The following CORO1C variants were observed in gnomAD, a reference collection of about 807,000 sequenced individuals.
The protein encoded by CORO1C is coronin-1C.
In CORO1C, 14 loss-of-function variants were observed where a neutral mutation model predicts 51.2. The observed-to-expected ratio is 0.27, with a 90% CI of 0.18 to 0.43. The LOEUF is 0.43. Ranked by LOEUF, CORO1C falls within the 20% of genes least tolerant of loss-of-function variation. CORO1C has a pLI of 1.00. For missense variants in CORO1C, 417 were observed against 607.8 expected, an observed-to-expected ratio of 0.69 and a Z score of 3.30; for synonymous variants, 181 against 210.5, an observed-to-expected ratio of 0.86 and a Z score of 1.21.
chr12:108,715,632 T>TCCCC (rs1418746448), intron 1 of CORO1C, among the ~76,000 whole-genome samples: 1 of 48,976 alleles, frequency 2.0e-5, no homozygotes, highest in African/African-American at 8.8e-5. Context: ...ACCCGCCTCC[T>TCCCC]CCCTCCCCCC....
Position 108,652,489 on chromosome 12 carries a change from C to G in CORO1C, c.856-72G>C, listed in dbSNP as rs148022617. 4 of 1,258,038 alleles carry G rather than the reference C, an allele frequency of 3.2e-6. No homozygotes were observed. In the East Asian group the frequency reaches 9.4e-5, roughly 29 times the overall value. 77.9% of individuals were successfully genotyped at this position (1,258,038 alleles called of 1,614,324 possible). A position where few individuals can be genotyped will look rare whatever the true frequency, so the allele number is the denominator to read the frequency against. On this transcript the variant is annotated intron_variant, in intron 7 of 10. Coordinates refer to ENST00000261401, the MANE Select transcript of CORO1C (RefSeq NM_014325.4). ...ATCTGGATTATGGGGGTGTCTCTCTCCTCTACAAACCCAGCAGTAGTTGGG... is the reference window on the plus strand; with the variant it reads ...ATCTGGATTATGGGGGTGTCTCTCTGCTCTACAAACCCAGCAGTAGTTGGG...
At chr12:108,697,698 T>C (rs2034732973) in intron 2 of CORO1C, among the ~76,000 whole-genome samples, 2 of 152,174 alleles carry the variant, frequency 1.3e-5, no homozygotes, top group African/African-American at 4.8e-5. Context: ...TTCGAGGCTG[T>C]ACTTCTAATG....
At chr12:108,713,601 T>C (rs1418169172) in intron 1 of CORO1C, among the ~76,000 whole-genome samples, 2 of 152,216 alleles carry the variant, frequency 1.3e-5, no homozygotes, top group Admixed American at 6.5e-5. Context: ...CTCACAGAGC[T>C]AGGCCTGGAG....
chr12:108,687,555 C>A (rs541999195), intron 2 of CORO1C, among the ~76,000 whole-genome samples: 2 of 151,878 alleles, frequency 1.3e-5, no homozygotes, highest in East Asian at 1.9e-4. Flanking sequence ...GAGGCTGAGG[C>A]GGGCGGATCA....
At position 108,658,161 on chromosome 12, in the gene CORO1C, G is replaced by C. The variant is rs1461405498; in HGVS notation, c.630+577C>G. On this transcript the variant is annotated intron_variant, in intron 5 of 10. Coordinates refer to ENST00000261401, the MANE Select transcript of CORO1C (RefSeq NM_014325.4). This position sits in a 1 kb window ranked among gnomAD's most constrained non-coding sequence, Gnocchi z 4.9. ...AGAAACTAAGACACTGAGCTGATGAGAGAACTTGTTGCTTTTCGCCCTGCG... is the reference window on the plus strand; with the variant it reads ...AGAAACTAAGACACTGAGCTGATGACAGAACTTGTTGCTTTTCGCCCTGCG... 6.6e-6 allele frequency among the ~76,000 whole-genome samples: 1 copy of C among 152,200 alleles called. No homozygotes were observed. Among genetic ancestry groups the C allele is most frequent in the Non-Finnish European group, 1.5e-5 (1 of 68,034 alleles).
At position 108,648,787 on chromosome 12, in the gene CORO1C, C is replaced by T; in HGVS notation, c.1123G>A (p.Glu375Lys). The T allele has an allele frequency of 6.2e-7, 1 of 1,614,272 alleles. No individual in the cohort carries two copies. Among genetic ancestry groups the T allele is most frequent in the Middle Eastern group, 1.6e-4 (1 of 6,062 alleles). ...TAGPEAALEA[E>K]EWFEGKNADP... ...GCATTCTTGCCTTCGAACCACTCTTCTGCCTCCAGCGCGGCCTCTGGCCCC... is the reference window on the plus strand; with the variant it reads ...GCATTCTTGCCTTCGAACCACTCTTTTGCCTCCAGCGCGGCCTCTGGCCCC... Residue 375 changes from glutamate (E) to lysine (K), a missense_variant, in exon 10 of 11, where the codon GAA becomes AAA. By Grantham distance (56) the Glu-to-Lys change is moderately conservative. Coordinates refer to ENST00000261401, the MANE Select transcript of CORO1C (RefSeq NM_014325.4).
chr12:108,675,503 C>A (rs2033875957), intron 3 of CORO1C, among the ~76,000 whole-genome samples: 1 of 151,916 alleles, frequency 6.6e-6, no homozygotes, highest in African/African-American at 2.4e-5. Context: ...GAAAAAAAAA[C>A]CCTAATTTGT....
intron 1 of CORO1C, among the ~76,000 whole-genome samples, chr12:108,716,284 T>C (rs955217276): frequency 1.3e-5 from 2 of 152,058 alleles, no homozygotes; most frequent in Non-Finnish European, 2.9e-5. Context: ...TACTTAGTCA[T>C]ATGGAGTAGA....
chr12:108,675,193 T>C lies in CORO1C; in HGVS notation c.318+3079A>G, dbSNP rs967938126. ...GTATTTTTAAATGTATATATATATA[T>C]ACATAATGCTACTGCATACTTAATA... On this transcript the variant is annotated intron_variant, in intron 3 of 10. Coordinates refer to ENST00000261401, the MANE Select transcript of CORO1C (RefSeq NM_014325.4). 1.3e-4 allele frequency among the ~76,000 whole-genome samples: 20 copies of C among 152,278 alleles called. 1 individual carries two copies. Among genetic ancestry groups the C allele is most frequent in the Middle Eastern group, 3.4e-3 (1 of 294 alleles).
intron 1 of CORO1C, chr12:108,730,251 A>G (rs1463693528): frequency 6.6e-6 from 1 of 152,268 alleles, no homozygotes; most frequent in East Asian, 1.9e-4. Flanking sequence ...GGCAGCCTAC[A>G]TTACGGCCAA....
chr12:108,654,871 A>ACGT (rs1180690366), intron 6 of CORO1C, among the ~76,000 whole-genome samples: 214 of 152,036 alleles, frequency 1.4e-3, no homozygotes, highest in Middle Eastern at 0.01. Context: ...ACCCGTGGCT[A>ACGT]ATTTTTGTAT....
chr12:108,728,203 A>C (rs1165057563), intron 1 of CORO1C, among the ~76,000 whole-genome samples: 1 of 152,236 alleles, frequency 6.6e-6, no homozygotes, highest in South Asian at 2.1e-4. Flanking sequence ...TCCTAGGTAA[A>C]TACTCAGGAG....
intron 8 of CORO1C, chr12:108,649,794 G>C (rs2032557032): frequency 6.6e-6 from 1 of 152,274 alleles, no homozygotes; most frequent in African/African-American, 2.4e-5. Flanking sequence ...CCTGGCAAGA[G>C]AGGTAGCCTT....
intron 8 of CORO1C, among the ~76,000 whole-genome samples, chr12:108,651,342 C>A (rs975833780): frequency 2.0e-5 from 3 of 152,118 alleles, no homozygotes; most frequent in Non-Finnish European, 4.4e-5. Context: ...GTCACTGAGT[C>A]TCAGAGGATA....
At chr12:108,649,891 G>A (rs2032562098) in intron 8 of CORO1C, among the ~76,000 whole-genome samples, 1 of 152,186 alleles carries the variant, frequency 6.6e-6, no homozygotes, top group African/African-American at 2.4e-5. Context: ...CTGGGGAAAT[G>A]TTTTCTGAAT....
chr12:108,694,734 T>C (rs1175906209), intron 2 of CORO1C, among the ~76,000 whole-genome samples: 1 of 152,226 alleles, frequency 6.6e-6, no homozygotes, highest in Non-Finnish European at 1.5e-5. Flanking sequence ...AATCCCTCAA[T>C]TATTCACTTA....
At position 108,726,834 on chromosome 12, in the gene CORO1C, T is replaced by C. The variant is rs2035605204; in HGVS notation, c.-6+4595A>G. ...TGGCCATCTACCCTACTGAGGAGAC[T>C]GTGCGCCAGTCATTACTGTTCATCG... On this transcript the variant is annotated intron_variant, in intron 1 of 10. Transcript: ENST00000261401. 3.9e-5 allele frequency among the ~76,000 whole-genome samples: 6 copies of C among 152,272 alleles called. No homozygotes were observed. The South Asian group carries it at 1.2e-3, about 32-fold the overall frequency.
In CORO1C at chr12:108,652,739, T is replaced by C. The variant is rs143820214; in HGVS notation, c.856-322A>G. 2.0e-3 allele frequency among the ~76,000 whole-genome samples: 284 copies of C among 143,502 alleles called. 2 individuals carry two copies. Among genetic ancestry groups the C allele is most frequent in the Non-Finnish European group, 3.5e-3 (227 of 65,614 alleles). The allele number at this position is 143,502 out of a possible 152,430, so 94.1% of individuals were successfully genotyped here. Reference sequence around the variant, plus strand: ...TTAATGCCTCTGCCAAACAGCTACATTGCAATTCAACTGTGAAAAACAAAC... The same window carrying C: ...TTAATGCCTCTGCCAAACAGCTACACTGCAATTCAACTGTGAAAAACAAAC... On this transcript the variant is annotated intron_variant, in intron 7 of 10. Coordinates refer to ENST00000261401, the MANE Select transcript of CORO1C (RefSeq NM_014325.4).
At chr12:108,660,721 G>A (rs1003927687) in intron 4 of CORO1C, among the ~76,000 whole-genome samples, 5 of 152,146 alleles carry the variant, frequency 3.3e-5, no homozygotes, top group African/African-American at 1.2e-4. Flanking sequence ...GATGAGAAAG[G>A]TAGCAGGGAA....
Sources: gnomAD v4.1 joint callset for allele counts (sites outside exome capture counted in the v4.1 genomes callset) on GRCh38, gnomAD v4.1.1 for gene constraint, Gnocchi (gnomAD v3.1) non-coding constraint, MANE v1.5 for transcripts, NCBI Gene and HGNC (gene_info 2026-07-23, HGNC 2026-07-21) for gene names.